Variants in CLNK observed in about 807,000 individuals in gnomAD.
The protein encoded by CLNK is cytokine dependent hematopoietic cell linker, also known as cytokine-dependent hematopoietic cell linker.
CLNK carries 74 observed loss-of-function variants against 68.6 expected under a neutral mutation model. The observed-to-expected ratio is 1.08, with a 90% CI of 0.89 to 1.31. CLNK has a LOEUF of 1.31. Ranked by LOEUF, CLNK falls within the 50% of genes most tolerant of loss-of-function variation. CLNK has a pLI of 0.00. For synonymous variants in CLNK, 198 were observed against 172.2 expected (o/e 1.15, Z -1.17); for missense variants, 553 against 515.3 (o/e 1.07, Z -0.71).
intron 3 of CLNK, among the ~76,000 whole-genome samples, chr4:10,594,448 A>C (rs933308305): frequency 6.6e-6 from 1 of 152,364 alleles, no homozygotes. Flanking sequence ...ATTGGCACCC[A>C]CAGGGAGGGC....
chr4:10,561,074 A>AT (rs912598548), intron 7 of CLNK, among the ~76,000 whole-genome samples: 10 of 149,980 alleles, frequency 6.7e-5, no homozygotes, highest in African/African-American at 2.0e-4. Context: ...TTTTTTTTTA[A>AT]TTTTTTTTTA....
chr4:10,522,339 C>A (rs776957820), intron 14 of CLNK, among the ~76,000 whole-genome samples: 6 of 150,990 alleles, frequency 4.0e-5, no homozygotes, highest in African/African-American at 1.5e-4. Flanking sequence ...TTTGGGAGGC[C>A]GAGGTGAGCA....
At chr4:10,538,523 A>T (rs1016958177) in intron 11 of CLNK, among the ~76,000 whole-genome samples, 3 of 152,214 alleles carry the variant, frequency 2.0e-5, no homozygotes, top group Admixed American at 2.0e-4. Flanking sequence ...AGTTTTAGGA[A>T]TGCTGCATTT....
At chr4:10,719,539 C>A in the CLNK span, among the ~76,000 whole-genome samples, 1 of 151,790 alleles carries the variant, frequency 6.6e-6, no homozygotes, top group Non-Finnish European at 1.5e-5. Context: ...TGCATACACA[C>A]ACAAAGAAAC....
At chr4:10,526,193 T>A (rs1718313488) in intron 13 of CLNK, among the ~76,000 whole-genome samples, 1 of 152,170 alleles carries the variant, frequency 6.6e-6, no homozygotes, top group South Asian at 2.1e-4. Context: ...AATATTACAT[T>A]GGAAGGTATT....
intron 2 of CLNK, among the ~76,000 whole-genome samples, chr4:10,652,519 C>T (rs777833511): frequency 8.0e-5 from 12 of 150,742 alleles, no homozygotes; most frequent in Non-Finnish European, 1.6e-4. Context: ...AAAGATGGAG[C>T]ATTAAAATAC....
In CLNK at chr4:10,528,095, C is replaced by T. The variant is rs1330830181; in HGVS notation, c.631-1G>A. ...ATTCACCTTTTTCTGCTTCAAGGAC[C>T]TGTATTGAATTAAAAAAAATAAAAT... On this transcript the variant is annotated splice_acceptor_variant, in intron 12 of 18. Transcript: ENST00000226951. LOFTEE classifies it high-confidence loss of function. 7.5e-7 allele frequency: 1 copy of T among 1,328,114 alleles called. No individual in the cohort carries two copies. The highest frequency in any genetic ancestry group is 9.8e-7 in the Non-Finnish European group (1 of 1,016,152). 82.3% of individuals were successfully genotyped at this position (1,328,114 alleles called of 1,614,324 possible). A position where few individuals can be genotyped will look rare whatever the true frequency, so the allele number is the denominator to read the frequency against.
chr4:10,698,990 G>T, the CLNK span, among the ~76,000 whole-genome samples: 2 of 151,984 alleles, frequency 1.3e-5, no homozygotes, highest in Non-Finnish European at 1.5e-5. Context: ...ACTTAAAGTT[G>T]ACTCTTTCTT....
intron 18 of CLNK, among the ~76,000 whole-genome samples, chr4:10,494,951 T>C (rs1247430212): frequency 6.6e-6 from 1 of 152,120 alleles, no homozygotes; most frequent in Admixed American, 6.5e-5. Context: ...ATATATGAAC[T>C]GTGGGCGATG....
intron 2 of CLNK, among the ~76,000 whole-genome samples, chr4:10,629,121 A>G (rs1341431810): frequency 6.6e-6 from 1 of 151,972 alleles, no homozygotes; most frequent in Non-Finnish European, 1.5e-5. Context: ...CTGTAACCTC[A>G]AGATGGTTTA....
intron 2 of CLNK, among the ~76,000 whole-genome samples, chr4:10,628,246 T>C (rs1178254307): frequency 6.6e-6 from 1 of 152,182 alleles, no homozygotes; most frequent in Non-Finnish European, 1.5e-5. Context: ...TATCTCAATG[T>C]TTCTCCCTCA....
At chr4:10,574,861 T>C (rs1720495922) in intron 4 of CLNK, among the ~76,000 whole-genome samples, 1 of 152,174 alleles carries the variant, frequency 6.6e-6, no homozygotes. Flanking sequence ...TGATTACTGG[T>C]GCATGCAACC....
intron 18 of CLNK, 93 bp downstream of exon 18, chr4:10,501,163 C>G (rs116499739): frequency 7.9e-7 from 1 of 1,264,902 alleles, no homozygotes; most frequent in Non-Finnish European, 1.1e-6. Context: ...TCCTTCAGGG[C>G]GGCATCCTCT....
chr4:10,535,589 C>T (rs1007997979), intron 11 of CLNK, among the ~76,000 whole-genome samples: 8 of 152,158 alleles, frequency 5.3e-5, no homozygotes, highest in African/African-American at 9.7e-5. Context: ...GCATGGACCA[C>T]GGTATTAAAA....
the CLNK span, among the ~76,000 whole-genome samples, chr4:10,702,568 C>A: frequency 6.6e-6 from 1 of 152,208 alleles, no homozygotes; most frequent in South Asian, 2.1e-4. Flanking sequence ...GAGCATCTTA[C>A]AGCTGTGCTT....
chr4:10,706,166 G>T, the CLNK span, among the ~76,000 whole-genome samples: 3 of 152,214 alleles, frequency 2.0e-5, no homozygotes, highest in Non-Finnish European at 2.9e-5. Context: ...GGGAATAGGT[G>T]TAGTGGAAAT....
chr4:10,624,554 C>T (rs1031999201), intron 2 of CLNK, among the ~76,000 whole-genome samples: 13 of 149,764 alleles, frequency 8.7e-5, no homozygotes, highest in Admixed American at 2.7e-4. Flanking sequence ...AGCCTCCCAA[C>T]GTGCTGGGAT....
chr4:10,658,369 C>T lies in CLNK; in HGVS notation c.11+9490G>A, dbSNP rs574818227. On this transcript the variant is annotated intron_variant, in intron 2 of 18. Coordinates refer to ENST00000226951, the MANE Select transcript of CLNK (RefSeq NM_052964.4). ...ATGATTGTGATGATGATATAGCCAG[C>T]CGACAGTATCTGTTCCAGTCATCTG... Among the ~76,000 whole-genome samples, 9 of 152,340 alleles carry T rather than the reference C, an allele frequency of 5.9e-5. No homozygotes were observed. The South Asian group carries it at 1.9e-3, about 32-fold the overall frequency.
At chr4:10,712,491 A>G in the CLNK span, among the ~76,000 whole-genome samples, 40 of 152,240 alleles carry the variant, frequency 2.6e-4, no homozygotes, top group Admixed American at 9.2e-4. Flanking sequence ...GTTTAACTTT[A>G]AAAAAGAAAA....
Sources: gnomAD v4.1 joint callset for allele counts (sites outside exome capture counted in the v4.1 genomes callset) on GRCh38, gnomAD v4.1.1 for gene constraint, MANE v1.5 for transcripts, NCBI Gene and HGNC (gene_info 2026-07-23, HGNC 2026-07-21) for gene names.